ANKS1B: variants seen among roughly 807,000 people sequenced by gnomAD.
ANKS1B encodes ankyrin repeat and sterile alpha motif domain containing 1B, also known as ankyrin repeat and sterile alpha motif domain-containing protein 1B.
A neutral mutation model predicts 148.3 loss-of-function variants in ANKS1B; 36 were observed. The observed-to-expected ratio is 0.24, with a 90% CI of 0.19 to 0.32. ANKS1B has a LOEUF of 0.32. Ranked by LOEUF, ANKS1B falls within the 10% of genes least tolerant of loss-of-function variation. ANKS1B has a pLI of 1.00. For synonymous variants in ANKS1B, 542 were observed against 560.8 expected, an observed-to-expected ratio of 0.97 and a Z score of 0.47; for missense variants, 1,157 against 1,542.6, an observed-to-expected ratio of 0.75 and a Z score of 4.19.
At chr12:98,911,244 A>C (rs753766941) in intron 17 of ANKS1B, among the ~76,000 whole-genome samples, 2 of 152,200 alleles carry the variant, frequency 1.3e-5, no homozygotes, top group African/African-American at 2.4e-5. Flanking sequence ...CCTCACTGAG[A>C]AACAGCTGTC....
intron 15 of ANKS1B, among the ~76,000 whole-genome samples, chr12:99,090,571 A>G (rs953146701): frequency 2.0e-5 from 3 of 152,184 alleles, no homozygotes; most frequent in African/African-American, 7.2e-5. Flanking sequence ...ATAGAATGAC[A>G]GCAAGATCTT....
At chr12:99,427,146 C>CAT (rs1210848995) in intron 11 of ANKS1B, among the ~76,000 whole-genome samples, 1 of 152,178 alleles carries the variant, frequency 6.6e-6, no homozygotes, top group African/African-American at 2.4e-5. Flanking sequence ...TTTTTCCCTC[C>CAT]ATAAGGTATT....
At chr12:99,644,300 T>C (rs1192639801) in intron 9 of ANKS1B, among the ~76,000 whole-genome samples, 1 of 152,212 alleles carries the variant, frequency 6.6e-6, no homozygotes, top group Non-Finnish European at 1.5e-5. Flanking sequence ...AACATTCATA[T>C]GTTTATTAAC....
At chr12:99,417,315 C>G (rs899797530) in intron 11 of ANKS1B, among the ~76,000 whole-genome samples, 2 of 152,256 alleles carry the variant, frequency 1.3e-5, no homozygotes, top group Non-Finnish European at 1.5e-5. Flanking sequence ...CTTCCCTCCA[C>G]TGAACTGCTT....
intron 14 of ANKS1B, among the ~76,000 whole-genome samples, chr12:99,238,441 G>C (rs2088493219): frequency 6.6e-6 from 1 of 152,216 alleles, no homozygotes; most frequent in Admixed American, 6.5e-5. Flanking sequence ...AGCTTAGCAA[G>C]GCCTACTGCC....
chr12:99,597,844 T>C (rs986093038), intron 9 of ANKS1B, among the ~76,000 whole-genome samples: 4 of 152,044 alleles, frequency 2.6e-5, no homozygotes, highest in Non-Finnish European at 5.9e-5. Flanking sequence ...TTCTATTAAA[T>C]ATGGAATAAT....
chr12:99,273,365 A>G (rs1442277562), intron 12 of ANKS1B, among the ~76,000 whole-genome samples: 1 of 152,064 alleles, frequency 6.6e-6, no homozygotes, highest in African/African-American at 2.4e-5. Flanking sequence ...GTGTTTACTA[A>G]TTGACAATTC....
At chr12:99,029,328 A>G (rs1306956891) in intron 17 of ANKS1B, among the ~76,000 whole-genome samples, 3 of 152,190 alleles carry the variant, frequency 2.0e-5, no homozygotes, top group Non-Finnish European at 4.4e-5. Context: ...GTAAATATCT[A>G]ATGAAACCAC....
chr12:99,092,964 A>C (rs1452358469), intron 15 of ANKS1B, among the ~76,000 whole-genome samples: 1 of 152,148 alleles, frequency 6.6e-6, no homozygotes, highest in African/African-American at 2.4e-5. Flanking sequence ...TCACAAGATA[A>C]GTATAGGATG....
intron 6 of ANKS1B, among the ~76,000 whole-genome samples, chr12:99,777,573 G>T (rs1319680928): frequency 2.7e-5 from 4 of 148,568 alleles, no homozygotes; most frequent in East Asian, 2.0e-4. Context: ...TTGTTTTTTT[G>T]TTTGTTTGTT....
At chr12:99,870,267 A>G (rs538375267) in intron 1 of ANKS1B, among the ~76,000 whole-genome samples, 31 of 152,324 alleles carry the variant, frequency 2.0e-4, no homozygotes, top group Admixed American at 4.6e-4. Context: ...TGTAAAGGAC[A>G]TGATTTCAAT....
At chr12:98,793,812 T>C (rs2098917131) in intron 22 of ANKS1B, among the ~76,000 whole-genome samples, 1 of 152,162 alleles carries the variant, frequency 6.6e-6, no homozygotes, top group African/African-American at 2.4e-5. Context: ...TAATTGTATA[T>C]TTAATTAGGG....
chr12:99,286,954 C>A (rs1049818103), intron 12 of ANKS1B, among the ~76,000 whole-genome samples: 5 of 152,196 alleles, frequency 3.3e-5, no homozygotes, highest in Non-Finnish European at 7.3e-5. Flanking sequence ...TTTCTTGTCC[C>A]ACTCTGGGCC....
At chr12:98,791,412 T>C (rs12425144) in intron 22 of ANKS1B, among the ~76,000 whole-genome samples, 6,212 of 152,208 alleles carry the variant, frequency 0.041, 191 homozygotes, top group East Asian at 0.13. Context: ...CCTATGTGGC[T>C]GTTTCTTTGT....
At chr12:99,327,342 T>TTATAATTACATATTATA (rs1279231907) in intron 12 of ANKS1B, among the ~76,000 whole-genome samples, 2 of 113,394 alleles carry the variant, frequency 1.8e-5, no homozygotes, top group Admixed American at 1.0e-4. Flanking sequence ...TAATTATATA[T>TTATAATTACATATTATA]TATAATTACA....
chr12:99,775,085 T>A (rs1370551538), intron 7 of ANKS1B, among the ~76,000 whole-genome samples: 1 of 152,098 alleles, frequency 6.6e-6, no homozygotes, highest in Non-Finnish European at 1.5e-5. Flanking sequence ...TACAGCATGG[T>A]GACTATAGTT....
intron 9 of ANKS1B, among the ~76,000 whole-genome samples, chr12:99,507,956 G>T (rs2096728719): frequency 6.6e-6 from 1 of 151,732 alleles, no homozygotes; most frequent in South Asian, 2.1e-4. Context: ...TCCTCTACCA[G>T]GGCTAAATGC....
chr12:99,132,362 C>G (rs1002129697), intron 15 of ANKS1B, among the ~76,000 whole-genome samples: 1 of 151,840 alleles, frequency 6.6e-6, no homozygotes, highest in African/African-American at 2.4e-5. Flanking sequence ...AATCCTGGGC[C>G]GGGTGAAGTG....
chr12:98,928,565 A>C (rs1220907218), intron 17 of ANKS1B, among the ~76,000 whole-genome samples: 1 of 152,066 alleles, frequency 6.6e-6, no homozygotes, highest in Non-Finnish European at 1.5e-5. Flanking sequence ...CCAGAAACAT[A>C]TTAAAAGAAT....
Sources: allele counts gnomAD v4.1 joint callset (sites outside exome capture counted in the v4.1 genomes callset), GRCh38; gene constraint gnomAD v4.1.1; transcripts MANE v1.5; gene names NCBI Gene and HGNC (gene_info 2026-07-23, HGNC 2026-07-21).